TFB2M: variants seen among roughly 807,000 people sequenced by gnomAD.
TFB2M encodes the protein dimethyladenosine transferase 2, mitochondrial.
In TFB2M, 44 loss-of-function variants were observed where a neutral mutation model predicts 41.3. The observed-to-expected ratio is 1.07, with a 90% CI of 0.84 to 1.37. The LOEUF (loss-of-function observed/expected upper bound fraction) is 1.37, where lower values mean the gene tolerates loss of function less well. TFB2M is among the 40% of genes most tolerant of loss of function. The pLI is 0.00. For missense variants in TFB2M, 496 were observed against 490.2 expected (o/e 1.01, Z -0.11); for synonymous variants, 188 against 176.8 (o/e 1.06, Z -0.50).
intron 6 of TFB2M, 77 bp downstream of exon 6, chr1:246,548,468 C>T (rs574293959): frequency 7.8e-7 from 1 of 1,280,580 alleles, no homozygotes; most frequent in South Asian, 1.4e-5. Context: ...ATACAGACTA[C>T]CAAATAGTCC....
Position 246,544,608 on chromosome 1 carries a change from T to C in TFB2M, c.932A>G (p.Asn311Ser). Residue 311 changes from asparagine to serine, a missense_variant, in exon 7 of 8, where the codon AAC (asparagine) becomes AGC (serine). By Grantham distance (46) the Asn-to-Ser change is conservative (BLOSUM62 1). Coordinates refer to ENST00000366514, the MANE Select transcript of TFB2M (RefSeq NM_022366.3). ...TATATTATAGTTCATAGGTGTTAAG[T>C]TCTTGGTAAATAAATTTTGACGAGG... The part of the protein sequence containing the change: ...MIPRQNLFTK[N>S]LTPMNYNIFF... The C allele has an allele frequency of 6.2e-7, 1 of 1,610,232 alleles. No homozygotes were observed. The highest frequency in any genetic ancestry group is 8.5e-7 in the Non-Finnish European group (1 of 1,179,112).
intron 6 of TFB2M, among the ~76,000 whole-genome samples, chr1:246,547,341 C>T (rs573634907): frequency 6.6e-6 from 1 of 152,146 alleles, no homozygotes; most frequent in Non-Finnish European, 1.5e-5. Context: ...TGCTGAAAAA[C>T]TGAGAAAGTA....
chr1:246,555,649 A>G (rs1659301208), intron 4 of TFB2M, among the ~76,000 whole-genome samples: 1 of 152,200 alleles, frequency 6.6e-6, no homozygotes, highest in African/African-American at 2.4e-5. Flanking sequence ...TGATCCTGCA[A>G]TTCTACTTCT....
At chr1:246,544,462 TGAAA>T in intron 7 of TFB2M, 55 bp downstream of exon 7, 2 of 1,438,546 alleles carry the variant, frequency 1.4e-6, no homozygotes, top group Non-Finnish European at 1.9e-6. Flanking sequence ...ATCTCTAGCA[TGAAA>T]GAATAATTTG....
At chr1:246,544,792 T>C in intron 6 of TFB2M, 111 bp from the exon 7 acceptor site, 2 of 893,372 alleles carry the variant, frequency 2.2e-6, no homozygotes, top group Non-Finnish European at 3.3e-6. Flanking sequence ...CCACAGGCCC[T>C]GAGTGTCTTC....
chr1:246,556,454 T>A (rs943844037), intron 4 of TFB2M, 119 bp downstream of exon 4: 1 of 820,970 alleles, frequency 1.2e-6, no homozygotes, highest in African/African-American at 1.8e-5. Context: ...CTGCAGAATT[T>A]AAAAACAATC....
intron 5 of TFB2M, 44 bp from the exon 6 acceptor site, chr1:246,548,651 T>C (rs770005706): frequency 1.3e-6 from 2 of 1,576,578 alleles, no homozygotes; most frequent in South Asian, 2.2e-5. Context: ...TTATTTCTCT[T>C]TGGTCAAAGT....
chr1:246,557,660 G>T (rs1269755001), intron 2 of TFB2M, 126 bp from the exon 3 acceptor site: 1 of 856,574 alleles, frequency 1.2e-6, no homozygotes, highest in Non-Finnish European at 1.7e-6. Flanking sequence ...AATTACCTGG[G>T]GTTTTTTTGT....
At chr1:246,547,412 T>C (rs1659052973) in intron 6 of TFB2M, among the ~76,000 whole-genome samples, 2 of 152,234 alleles carry the variant, frequency 1.3e-5, no homozygotes, top group Admixed American at 6.5e-5. Flanking sequence ...AGTATCCAAA[T>C]GTACTGTATT....
At chr1:246,551,356 A>G (rs963789285) in intron 4 of TFB2M, 54 bp from the exon 5 acceptor site, 2 of 1,245,746 alleles carry the variant, frequency 1.6e-6, no homozygotes, top group Non-Finnish European at 2.4e-6. Flanking sequence ...ATCAATTAAA[A>G]ACAAATGCTG....
chr1:246,558,303 C>T (rs997144691), intron 2 of TFB2M, among the ~76,000 whole-genome samples: 13 of 152,028 alleles, frequency 8.6e-5, no homozygotes, highest in African/African-American at 2.4e-4. Context: ...CATACCATCA[C>T]GCCCCACCAA....
At chr1:246,542,085 A>G (rs562109488) in intron 7 of TFB2M, among the ~76,000 whole-genome samples, 3 of 152,286 alleles carry the variant, frequency 2.0e-5, no homozygotes, top group Admixed American at 2.0e-4. Flanking sequence ...ATGTTACTGT[A>G]CTGAATACTG....
chr1:246,552,928 GA>G (rs1231651156), intron 4 of TFB2M, among the ~76,000 whole-genome samples: 2 of 150,566 alleles, frequency 1.3e-5, no homozygotes, highest in Non-Finnish European at 3.0e-5. Flanking sequence ...CAAAGGGAGG[GA>G]AAAAAAACCT....
At chr1:246,547,665 G>GTT (rs67635747) in intron 6 of TFB2M, among the ~76,000 whole-genome samples, 2 of 144,548 alleles carry the variant, frequency 1.4e-5, no homozygotes. Context: ...CATTTAATTC[G>GTT]TTTTTTTTTT....
intron 4 of TFB2M, among the ~76,000 whole-genome samples, chr1:246,551,902 C>T (rs1392472246): frequency 6.6e-6 from 1 of 152,318 alleles, no homozygotes; most frequent in South Asian, 2.1e-4. Context: ...AGCGTATGCA[C>T]AGCCCCAAGG....
chr1:246,542,589 C>T (rs973137312), intron 7 of TFB2M, among the ~76,000 whole-genome samples: 1 of 152,102 alleles, frequency 6.6e-6, no homozygotes, highest in African/African-American at 2.4e-5. Flanking sequence ...GGCAGGATCA[C>T]TTGAGCAAGG....
chr1:246,544,811 T>C lies in TFB2M; in HGVS notation c.859-130A>G, dbSNP rs558621184. On this transcript the variant is annotated intron_variant, in intron 6 of 7. Transcript: ENST00000366514. ...AGGCCCTGAGTGTCTTCACATTCTC[T>C]TTTTCTTTCTTGGAGATAGAGTCTC... The C allele has an allele frequency of 3.8e-4, 283 of 738,766 alleles. No homozygotes were observed. In the African/African-American group the frequency reaches 4.7e-3, roughly 12 times the overall value. 45.8% of individuals were successfully genotyped at this position (738,766 alleles called of 1,614,324 possible).
In TFB2M at chr1:246,541,162, T is replaced by C; in HGVS notation, c.1060A>G (p.Ile354Val). The C allele has an allele frequency of 1.2e-6, 2 of 1,614,104 alleles. No homozygotes were observed. The highest frequency in any genetic ancestry group is 2.2e-5 in the South Asian group (2 of 91,072). The change falls in exon 8 of 8, where the codon ATA becomes GTA. Residue 354 changes from isoleucine (I) to valine (V), a missense_variant. Coordinates refer to ENST00000366514, the MANE Select transcript of TFB2M (RefSeq NM_022366.3). ...ACTTTCTCATCCTCCTGTTTTCCTA[T>C]TTGCATCAATATATCTCTCGCATCA... ...PLDARDILMQ[I>V]GKQEDEKVVN...
rs775395155 is a variant in TFB2M at position 246,548,558 on chromosome 1, T to A, written c.845A>T (p.Asn282Ile). Residue 282 changes from asparagine to isoleucine, a missense_variant, in exon 6 of 8, where the codon AAC becomes ATC. Asn to Ile is a moderately radical substitution (Grantham distance 149). Coordinates refer to ENST00000366514, the MANE Select transcript of TFB2M (RefSeq NM_022366.3). The stretch of plus-strand genomic sequence containing the variant: ...TTTTATTCTTACCCTACGCTTTGGG[T>A]TTTCCAGCGGCCCTTTCCGGGTGTA... The part of the protein sequence containing the change: ...DIYTRKGPLE[N>I]PKRRELLDQL... 15 of 1,613,118 alleles carry A rather than the reference T, an allele frequency of 9.3e-6. No individual in the cohort carries two copies. Among genetic ancestry groups the A allele is most frequent in the Non-Finnish European group, 1.2e-5 (14 of 1,179,604 alleles).
Sources: gnomAD v4.1 joint callset for allele counts (sites outside exome capture counted in the v4.1 genomes callset) on GRCh38, gnomAD v4.1.1 for gene constraint, MANE v1.5 for transcripts, NCBI Gene and HGNC (gene_info 2026-07-23, HGNC 2026-07-21) for gene names.